ZNF805: variants seen among roughly 807,000 people sequenced by gnomAD.
The protein encoded by ZNF805 is CTC-444N24.8.
In ZNF805, 7 loss-of-function variants were observed where a neutral mutation model predicts 13.6. The observed-to-expected ratio is 0.51, with a 90% CI of 0.29 to 0.97. The LOEUF is 0.97. ZNF805 is among the 50% of genes least tolerant of loss of function. The pLI, the probability that ZNF805 is intolerant of heterozygous loss-of-function variation, is 0.08. For synonymous variants in ZNF805, 293 were observed against 279.8 expected, an observed-to-expected ratio of 1.05 and a Z score of -0.47; for missense variants, 604 against 771.0, an observed-to-expected ratio of 0.78 and a Z score of 2.57.
intron 1 of ZNF805, among the ~76,000 whole-genome samples, chr19:57,242,431 G>T (rs1187955846): frequency 1.3e-5 from 2 of 152,228 alleles, no homozygotes; most frequent in Non-Finnish European, 2.9e-5. Context: ...GCTGAGACAT[G>T]GCCTGGAAGG....
rs189456799 is a variant in ZNF805, at chr19:57,255,356, T to G, written c.*653T>G. Among the ~76,000 whole-genome samples the G allele has an allele frequency of 2.5e-3, 387 of 152,260 alleles. 3 individuals carry two copies. The highest frequency in any genetic ancestry group is 9.1e-3 in the African/African-American group (379 of 41,568). On this transcript the variant is annotated 3_prime_UTR_variant, in exon 4 of 4. Transcript: ENST00000414468. Reference sequence around the variant, plus strand: ...TCATTTAGCATTCCTAGTTTGACTTTCCATATACACTTTAGGATTGGTTTT... The same window carrying G: ...TCATTTAGCATTCCTAGTTTGACTTGCCATATACACTTTAGGATTGGTTTT...
rs1209669592 is a variant in ZNF805 at position 57,256,935 on chromosome 19, T to C, written c.*2232T>C. On this transcript the variant is annotated 3_prime_UTR_variant, in exon 4 of 4. Coordinates refer to ENST00000414468, the MANE Select transcript of ZNF805 (RefSeq NM_001023563.4). ...TTTTTAATATAAGCTTTAAGTTCTA[T>C]ACATTTTTCTTACACTGCTGTTAGT... is the stretch of plus-strand genomic sequence containing the variant. 6.6e-6 allele frequency among the ~76,000 whole-genome samples: 1 copy of C among 152,196 alleles called. No individual in the cohort carries two copies. Among genetic ancestry groups the C allele is most frequent in the Middle Eastern group, 3.2e-3 (1 of 316 alleles).
At position 57,255,837 on chromosome 19, in the gene ZNF805, G is replaced by A. The variant is rs1250013775; in HGVS notation, c.*1134G>A. 6.6e-6 allele frequency among the ~76,000 whole-genome samples: 1 copy of A among 152,010 alleles called. No individual in the cohort carries two copies. Among genetic ancestry groups the A allele is most frequent in the African/African-American group, 2.4e-5 (1 of 41,402 alleles). On this transcript the variant is annotated 3_prime_UTR_variant, in exon 4 of 4. Transcript: ENST00000414468. ...TATACCTTTTATTTGCTTTTCTCAT[G>A]TTATTGTACTAGGTAGGATTTCCAG... is the stretch of plus-strand genomic sequence containing the variant.
At chr19:57,252,770 G>A (rs2087659367) in intron 3 of ZNF805, among the ~76,000 whole-genome samples, 1 of 152,028 alleles carries the variant, frequency 6.6e-6, no homozygotes, top group African/African-American at 2.4e-5. Flanking sequence ...ATCTATTTAG[G>A]ATAAACTATT....
chr19:57,246,662 G>C (rs1294807251), intron 2 of ZNF805, among the ~76,000 whole-genome samples: 1 of 151,740 alleles, frequency 6.6e-6, no homozygotes, highest in African/African-American at 2.4e-5. Flanking sequence ...TGTAATCCCA[G>C]CTACTCAGGA....
chr19:57,249,121 G>A (rs2087636602), intron 3 of ZNF805, among the ~76,000 whole-genome samples: 1 of 152,220 alleles, frequency 6.6e-6, no homozygotes, highest in Non-Finnish European at 1.5e-5. Flanking sequence ...GTACCACACA[G>A]TTATTCAGGA....
chr19:57,258,440 T>TTG lies in ZNF805; in HGVS notation c.*3738_*3739insGT, dbSNP rs2087703024. Among the ~76,000 whole-genome samples, 1 of 150,532 alleles carries TTG rather than the reference T, an allele frequency of 6.6e-6. No homozygotes were observed. Among genetic ancestry groups the TTG allele is most frequent in the South Asian group, 2.1e-4 (1 of 4,802 alleles). ...GCTTCTTTCTTGGTTTGTTTGGGTTTTTTTTTTTTTGTCTTTAACATTTTT... is the reference window on the plus strand; with the variant it reads ...GCTTCTTTCTTGGTTTGTTTGGGTTTTGTTTTTTTTTTGTCTTTAACATTTTT... On this transcript the variant is annotated 3_prime_UTR_variant, in exon 4 of 4. Transcript: ENST00000414468.
intron 1 of ZNF805, among the ~76,000 whole-genome samples, chr19:57,242,842 G>A (rs1160268571): frequency 6.6e-6 from 1 of 152,180 alleles, no homozygotes; most frequent in African/African-American, 2.4e-5. Context: ...GGGTGGTGGA[G>A]GATTATTGGG....
intron 2 of ZNF805, among the ~76,000 whole-genome samples, chr19:57,245,294 G>A (rs1353122924): frequency 1.3e-5 from 2 of 152,084 alleles, no homozygotes; most frequent in South Asian, 2.1e-4. Context: ...TCACATGGCC[G>A]CCCCTTCTCA....
chr19:57,253,162 G>A lies in ZNF805; in HGVS notation c.343G>A (p.Gly115Arg). ...GISFWGQLTQGASGDSQLGQP... is the reference protein window; with the variant it reads ...GISFWGQLTQRASGDSQLGQP... ...CTCTTTTTGGGGACAACTAACACAA[G>A]GAGCTTCAGGGGACTCCCAGTTGGG... The change falls in exon 4 of 4, where the codon GGA becomes AGA. Residue 115 changes from glycine to arginine, a missense_variant. Transcript: ENST00000414468. This position sits in a 1 kb window ranked among gnomAD's most constrained non-coding sequence, Gnocchi z 4.4. The A allele has an allele frequency of 6.4e-7, 1 of 1,551,578 alleles. No homozygotes were observed. The highest frequency in any genetic ancestry group is 1.2e-5 in the South Asian group (1 of 83,066).
chr19:57,247,436 C>T (rs999222778), intron 2 of ZNF805, among the ~76,000 whole-genome samples: 1 of 152,134 alleles, frequency 6.6e-6, no homozygotes, highest in African/African-American at 2.4e-5. Context: ...GGTGTCCAGC[C>T]CCAGCTCTGC....
In ZNF805 at chr19:57,253,908, G is replaced by T. The variant is rs1051553863; in HGVS notation, c.1089G>T (p.Gln363His). 6.2e-7 allele frequency: 1 copy of T among 1,614,090 alleles called. No individual in the cohort carries two copies. Among genetic ancestry groups the T allele is most frequent in the Non-Finnish European group, 8.5e-7 (1 of 1,180,046 alleles). Residue 363 changes from glutamine (Q) to histidine (H), a missense_variant, in exon 4 of 4, where the codon CAG becomes CAT. Physicochemically the swap from Gln to His is conservative, Grantham distance 24 (BLOSUM62 0). Transcript: ENST00000414468. The surrounding 1 kb of genome is among the most constrained non-coding windows in gnomAD (Gnocchi z 4.4). ...GATCATACCTCATGTGGCACCAGCA[G>T]ACTCATACCGGGGAGAAGCCCTATG... ...KHRSYLMWHQ[Q>H]THTGEKPYEC...
chr19:57,247,680 C>T (rs1440236037), intron 2 of ZNF805, among the ~76,000 whole-genome samples: 1 of 152,188 alleles, frequency 6.6e-6, no homozygotes, highest in Non-Finnish European at 1.5e-5. Flanking sequence ...TGATTATTGT[C>T]GTTGGCATGC....
chr19:57,254,515 C>A lies in ZNF805; in HGVS notation c.1696C>A (p.Pro566Thr). The change falls in exon 4 of 4, where the codon CCT becomes ACT. Residue 566 changes from proline to threonine, a missense_variant. Physicochemically the swap from Pro to Thr is conservative, Grantham distance 38 (BLOSUM62 -1). Transcript: ENST00000414468. ...TCAAAGGATGCATACTGGGAGAAAT[C>A]CTATCAGTGTAACAGATGTGGGAAG... Reference protein sequence around the residue: ...QHQRMHTGRNPISVTDVGRPF... With the variant: ...QHQRMHTGRNTISVTDVGRPF... 1.2e-6 allele frequency: 2 copies of A among 1,614,216 alleles called. No homozygotes were observed. The highest frequency in any genetic ancestry group is 1.7e-6 in the Non-Finnish European group (2 of 1,180,036).
rs1229631617 is a variant in ZNF805, at chr19:57,256,867, C to T, written c.*2164C>T. ...CTGGTTGTATTTGACTCAGTGGTTT[C>T]CTGACGTGGATGTTTAGGTTATTGA... On this transcript the variant is annotated 3_prime_UTR_variant, in exon 4 of 4. Coordinates refer to ENST00000414468, the MANE Select transcript of ZNF805 (RefSeq NM_001023563.4). 6.6e-6 allele frequency among the ~76,000 whole-genome samples: 1 copy of T among 151,942 alleles called. No homozygotes were observed. The highest frequency in any genetic ancestry group is 1.5e-5 in the Non-Finnish European group (1 of 67,992).
chr19:57,253,701 G>T lies in ZNF805; in HGVS notation c.882G>T (p.Lys294Asn). ...EKPYKCSECG[K>N]AFTHRSTFVL... ...CTTATAAGTGCAGTGAATGTGGAAA[G>T]GCCTTCACCCACCGCTCCACTTTTG... Residue 294 changes from lysine (K) to asparagine (N), a missense_variant, in exon 4 of 4, where the codon AAG becomes AAT. This residue lies in a region of ZNF805 where 327 missense variants were observed against 378.2 expected (regional missense o/e 0.86). Transcript: ENST00000414468. This position sits in a 1 kb window ranked among gnomAD's most constrained non-coding sequence, Gnocchi z 4.4. 6.2e-7 allele frequency: 1 copy of T among 1,613,948 alleles called. No homozygotes were observed. The highest frequency in any genetic ancestry group is 1.1e-5 in the South Asian group (1 of 91,060).
intron 2 of ZNF805, among the ~76,000 whole-genome samples, chr19:57,245,694 G>A (rs965295018): frequency 1.3e-5 from 2 of 151,490 alleles, no homozygotes; most frequent in Non-Finnish European, 2.9e-5. Context: ...CAGGAGAATG[G>A]CGTGAACCCA....
In ZNF805 at chr19:57,256,306, T is replaced by TA. The variant is rs1255468359; in HGVS notation, c.*1604dup. On this transcript the variant is annotated 3_prime_UTR_variant, in exon 4 of 4. Transcript: ENST00000414468. ...TCTGTAGTTTTCTTTCTTCAACTGT[T>TA]ACTGTTTGGTTTTGATGTCTAGATG... Among the ~76,000 whole-genome samples, 1 of 152,160 alleles carries TA rather than the reference T, an allele frequency of 6.6e-6. No individual in the cohort carries two copies.
intron 2 of ZNF805, among the ~76,000 whole-genome samples, chr19:57,244,712 G>C (rs2087601693): frequency 6.6e-6 from 1 of 152,148 alleles, no homozygotes; most frequent in Non-Finnish European, 1.5e-5. Flanking sequence ...TGGTTTCTCT[G>C]TCTGGGTCTG....
Sources: gnomAD v4.1 joint callset for allele counts (sites outside exome capture counted in the v4.1 genomes callset) on GRCh38, gnomAD v4.1.1 for gene constraint, gnomAD v4.1.1 regional missense constraint, Gnocchi (gnomAD v3.1) non-coding constraint, MANE v1.5 for transcripts, NCBI Gene and HGNC (gene_info 2026-07-23, HGNC 2026-07-21) for gene names.